The following ZMAT3 variants were observed in gnomAD, a reference collection of about 807,000 sequenced individuals.
ZMAT3 encodes the protein zinc finger matrin-type 3.
ZMAT3 carries 17 observed loss-of-function variants against 32.3 expected under a neutral mutation model. The observed-to-expected ratio is 0.53, with a 90% CI of 0.36 to 0.79. The LOEUF (loss-of-function observed/expected upper bound fraction) is 0.79, where lower values mean the gene tolerates loss of function less well. Ranked by LOEUF, ZMAT3 falls within the 30% of genes least tolerant of loss-of-function variation. The pLI is 0.00. For synonymous variants in ZMAT3, 120 were observed against 133.1 expected (o/e 0.90, Z 0.68); for missense variants, 329 against 359.7 (o/e 0.91, Z 0.69).
chr3:179,047,314 C>G (rs1323569387), intron 2 of ZMAT3, among the ~76,000 whole-genome samples: 1 of 152,194 alleles, frequency 6.6e-6, no homozygotes, highest in East Asian at 1.9e-4. Context: ...GTGAGAGCAC[C>G]ACATCAGGGG....
rs2108529272 is a variant in ZMAT3 at position 179,022,987 on chromosome 3, C to A, written c.*2030G>T. On this transcript the variant is annotated 3_prime_UTR_variant, in exon 6 of 6. Transcript: ENST00000311417. ...AGTAATACAAGCAATCAAATGTGAA[C>A]TGACCATTGTGCAAACATACTGCTT... is the stretch of plus-strand genomic sequence containing the variant. 6.6e-6 allele frequency: 1 copy of A among 152,298 alleles called. No individual in the cohort carries two copies. The highest frequency in any genetic ancestry group is 2.4e-5 in the African/African-American group (1 of 41,558). 9.4% of individuals were successfully genotyped at this position (152,298 alleles called of 1,614,324 possible).
chr3:179,040,967 G>C (rs1036313654), intron 2 of ZMAT3, among the ~76,000 whole-genome samples: 2 of 150,508 alleles, frequency 1.3e-5, no homozygotes, highest in African/African-American at 2.4e-5. Context: ...AATCAACAAA[G>C]ATCAAAAGAG....
Position 179,023,712 on chromosome 3 carries a change from T to TATATATATATA in ZMAT3, c.*1304_*1305insTATATATATAT, listed in dbSNP as rs1718686965. 5.6e-5 allele frequency: 1 copy of TATATATATATA among 17,864 alleles called. No homozygotes were observed. The highest frequency in any genetic ancestry group is 4.2e-4 in the African/African-American group (1 of 2,368). The allele number at this position is 17,864 out of a possible 1,614,324, so 1.1% of individuals were successfully genotyped here. On this transcript the variant is annotated 3_prime_UTR_variant, in exon 6 of 6. Transcript: ENST00000311417. The stretch of plus-strand genomic sequence containing the variant: ...AAAATATATCTATATATATATATAT[T>TATATATATATA]TTTTTTTTTTTTTTTTTTTTTTTTT...
chr3:179,068,818 T>C (rs772510659), intron 1 of ZMAT3, among the ~76,000 whole-genome samples: 1 of 152,256 alleles, frequency 6.6e-6, no homozygotes, highest in Non-Finnish European at 1.5e-5. Context: ...TTTCATTTTT[T>C]TAAGTCGAAT....
chr3:179,038,479 G>A (rs1432937124), intron 2 of ZMAT3, among the ~76,000 whole-genome samples: 1 of 152,190 alleles, frequency 6.6e-6, no homozygotes, highest in Admixed American at 6.5e-5. Flanking sequence ...TGGGAGCACT[G>A]AGATGGAAGG....
At chr3:179,067,408 A>T in intron 2 of ZMAT3, 75 bp downstream of exon 2, 1 of 1,500,356 alleles carries the variant, frequency 6.7e-7, no homozygotes, top group South Asian at 1.2e-5. Flanking sequence ...TCATATCTGG[A>T]GAGACAACTG....
At chr3:179,031,140 T>G (rs1392247227) in intron 2 of ZMAT3, 141 bp from the exon 3 acceptor site, 1 of 652,170 alleles carries the variant, frequency 1.5e-6, no homozygotes, top group African/African-American at 1.9e-5. Flanking sequence ...TCCATGACAG[T>G]ATATTTTTAT....
At chr3:179,025,731 A>G (rs1038174862) in intron 5 of ZMAT3, among the ~76,000 whole-genome samples, 1 of 152,208 alleles carries the variant, frequency 6.6e-6, no homozygotes, top group African/African-American at 2.4e-5. Context: ...AATGAATGCA[A>G]TGGAAAACTA....
chr3:179,041,627 A>G (rs1719933636), intron 2 of ZMAT3, among the ~76,000 whole-genome samples: 1 of 152,250 alleles, frequency 6.6e-6, no homozygotes. Context: ...CACAAGAGAA[A>G]GCAGGAAAGA....
intron 2 of ZMAT3, among the ~76,000 whole-genome samples, chr3:179,044,173 A>T (rs1046898149): frequency 6.6e-6 from 1 of 152,208 alleles, no homozygotes; most frequent in Non-Finnish European, 1.5e-5. Context: ...GCAATCCCTT[A>T]AGGATCTAGA....
At chr3:179,032,750 G>A (rs1158572538) in intron 2 of ZMAT3, among the ~76,000 whole-genome samples, 3 of 151,844 alleles carry the variant, frequency 2.0e-5, no homozygotes, top group Non-Finnish European at 4.4e-5. Flanking sequence ...GAGAAGTGAG[G>A]AGCCCCTCTG....
At chr3:179,035,243 C>T (rs752015556) in intron 2 of ZMAT3, among the ~76,000 whole-genome samples, 1 of 152,224 alleles carries the variant, frequency 6.6e-6, no homozygotes, top group Non-Finnish European at 1.5e-5. Flanking sequence ...TAAGGCCCTA[C>T]ATGATCTGGC....
At position 179,020,250 on chromosome 3, in the gene ZMAT3, G is replaced by A. The variant is rs1329025772; in HGVS notation, c.*4767C>T. The A allele has an allele frequency of 6.6e-6, 1 of 152,110 alleles. No individual in the cohort carries two copies. The highest frequency in any genetic ancestry group is 1.5e-5 in the Non-Finnish European group (1 of 68,000). 9.4% of individuals were successfully genotyped at this position (152,110 alleles called of 1,614,324 possible). On this transcript the variant is annotated 3_prime_UTR_variant, in exon 6 of 6. Transcript: ENST00000311417. ...GAGACAAGGTCACATGGGACCATAA[G>A]CCAGTACGTTTTTTGGTAGCTACCC...
chr3:179,020,123 A>C lies in ZMAT3; in HGVS notation c.*4894T>G, dbSNP rs142190631. ...AATTCACACAGACCTTTGTTATTCC[A>C]AGCTCCTATTTATGAATGGTGATTA... On this transcript the variant is annotated 3_prime_UTR_variant, in exon 6 of 6. Coordinates refer to ENST00000311417, the MANE Select transcript of ZMAT3 (RefSeq NM_022470.4). 1 of 152,324 alleles carries C rather than the reference A, an allele frequency of 6.6e-6. No homozygotes were observed. The highest frequency in any genetic ancestry group is 2.4e-5 in the African/African-American group (1 of 41,584). 9.4% of individuals were successfully genotyped at this position (152,324 alleles called of 1,614,324 possible).
intron 2 of ZMAT3, among the ~76,000 whole-genome samples, chr3:179,042,044 G>T (rs1346118670): frequency 6.6e-6 from 1 of 152,100 alleles, no homozygotes; most frequent in Non-Finnish European, 1.5e-5. Flanking sequence ...GGAAGAAGTT[G>T]AATCTCTGAA....
At position 179,055,570 on chromosome 3, in the gene ZMAT3, A is replaced by C. The variant is rs547879335; in HGVS notation, c.270+11913T>G. On this transcript the variant is annotated intron_variant, in intron 2 of 5. Coordinates refer to ENST00000311417, the MANE Select transcript of ZMAT3 (RefSeq NM_022470.4). Reference sequence around the variant, plus strand: ...CAAAGGGGTAAACAATGAACCAAAGAGTGCCAATATTCCCCGATTATGCCC... The same window carrying C: ...CAAAGGGGTAAACAATGAACCAAAGCGTGCCAATATTCCCCGATTATGCCC... 1.5e-4 allele frequency among the ~76,000 whole-genome samples: 22 copies of C among 151,620 alleles called. No homozygotes were observed. The South Asian group carries it at 4.4e-3, about 30-fold the overall frequency.
In ZMAT3 at chr3:179,033,978, C is replaced by A. The variant is rs374608915; in HGVS notation, c.271-2979G>T. 8.3e-4 allele frequency among the ~76,000 whole-genome samples: 126 copies of A among 152,314 alleles called. 2 individuals carry two copies. In the South Asian group the frequency reaches 0.025, roughly 30 times the overall value. ...TGATGGCTTCAAGATGCACTAGGAACCTCTACTAACATCAACTTGCCTTTC... is the reference window on the plus strand; with the variant it reads ...TGATGGCTTCAAGATGCACTAGGAAACTCTACTAACATCAACTTGCCTTTC... On this transcript the variant is annotated intron_variant, in intron 2 of 5. Coordinates refer to ENST00000311417, the MANE Select transcript of ZMAT3 (RefSeq NM_022470.4).
At chr3:179,054,684 G>A (rs781171721) in intron 2 of ZMAT3, among the ~76,000 whole-genome samples, 2 of 152,204 alleles carry the variant, frequency 1.3e-5, no homozygotes, top group South Asian at 2.1e-4. Context: ...CTTCTGGTCC[G>A]TGTTTGCTAA....
intron 3 of ZMAT3, 147 bp from the exon 4 acceptor site, chr3:179,027,959 C>A: frequency 6.1e-6 from 5 of 825,484 alleles, no homozygotes; most frequent in Non-Finnish European, 7.2e-6. Context: ...ATAATTCAAT[C>A]CAGGAAAACA....
Sources: allele counts gnomAD v4.1 joint callset (sites outside exome capture counted in the v4.1 genomes callset), GRCh38; gene constraint gnomAD v4.1.1; transcripts MANE v1.5; gene names NCBI Gene and HGNC (gene_info 2026-07-23, HGNC 2026-07-21).